The following TAFA2 variants were observed in gnomAD, a reference collection of about 807,000 sequenced individuals.
TAFA2 encodes chemokine-like protein TAFA-2.
A neutral mutation model predicts 18.8 loss-of-function variants in TAFA2; 7 were observed. The observed-to-expected ratio is 0.37, with a 90% CI of 0.21 to 0.70. The LOEUF (loss-of-function observed/expected upper bound fraction) is 0.70, where lower values mean the gene tolerates loss of function less well. Ranked by LOEUF, TAFA2 falls within the 30% of genes least tolerant of loss-of-function variation. The pLI, the probability that TAFA2 is intolerant of heterozygous loss-of-function variation, is 0.53. For synonymous variants in TAFA2, 60 were observed against 54.2 expected, an observed-to-expected ratio of 1.11 and a Z score of -0.47; for missense variants, 122 against 158.1, an observed-to-expected ratio of 0.77 and a Z score of 1.23.
At chr12:61,785,299 T>A (rs991688873) in intron 2 of TAFA2, among the ~76,000 whole-genome samples, 2 of 150,382 alleles carry the variant, frequency 1.3e-5, no homozygotes, top group African/African-American at 4.9e-5. Context: ...AGTTTATTCC[T>A]TTATGGCTGA....
chr12:61,912,101 G>A (rs1876635557), intron 1 of TAFA2, among the ~76,000 whole-genome samples: 1 of 152,210 alleles, frequency 6.6e-6, no homozygotes, highest in African/African-American at 2.4e-5. Flanking sequence ...GAACAACTCT[G>A]TAGTGTATTT....
At chr12:62,061,723 T>A (rs348661) in intron 1 of TAFA2, among the ~76,000 whole-genome samples, 54,572 of 152,110 alleles carry the variant, frequency 0.36, 9,983 homozygotes, top group African/African-American at 0.41. Context: ...TAAGTTAAAC[T>A]ATACTATGCC....
intron 1 of TAFA2, among the ~76,000 whole-genome samples, chr12:62,212,929 G>C (rs2062720079): frequency 6.6e-6 from 1 of 152,160 alleles, no homozygotes; most frequent in African/African-American, 2.4e-5. Context: ...TTTAATATTA[G>C]AGTGCTTAAA....
Position 61,867,349 on chromosome 12 carries a change from T to C in TAFA2, c.77A>G (p.Lys26Arg). The change falls in exon 2 of 5, where the codon AAA becomes AGA. Residue 26 changes from lysine (K) to arginine (R), a missense_variant. Transcript: ENST00000416284. ...IIIFIVTLWG[K>R]VVSSANHHKA... ...ATGATGGTTTGCACTGGATACAACT[T>C]TCCCCCACAAGGTTACAATAAATAT... The C allele has an allele frequency of 6.2e-7, 1 of 1,609,646 alleles. No individual in the cohort carries two copies. The highest frequency in any genetic ancestry group is 8.5e-7 in the Non-Finnish European group (1 of 1,177,112).
At chr12:61,974,515 A>T (rs1592524424) in intron 1 of TAFA2, among the ~76,000 whole-genome samples, 1 of 151,860 alleles carries the variant, frequency 6.6e-6, no homozygotes, top group African/African-American at 2.4e-5. Context: ...GTTCACTTTC[A>T]TGTAAATATA....
upstream of TAFA2, among the ~76,000 whole-genome samples, chr12:62,196,303 C>T (rs1289721082): frequency 6.6e-6 from 1 of 152,196 alleles, no homozygotes; most frequent in Non-Finnish European, 1.5e-5. Flanking sequence ...TGTTTTGCTT[C>T]CTTATCATTG....
At chr12:61,888,369 G>A (rs898410217) in intron 1 of TAFA2, among the ~76,000 whole-genome samples, 1 of 152,244 alleles carries the variant, frequency 6.6e-6, no homozygotes, top group Non-Finnish European at 1.5e-5. Flanking sequence ...TCTGGCAAAG[G>A]GGGAAACTCA....
rs1171353685 is a variant in TAFA2, at chr12:62,191,739, C to A, written c.-482G>T. 6.6e-6 allele frequency: 1 copy of A among 152,296 alleles called. No individual in the cohort carries two copies. The highest frequency in any genetic ancestry group is 1.5e-5 in the Non-Finnish European group (1 of 68,096). The allele number at this position is 152,296 out of a possible 1,614,324, so 9.4% of individuals were successfully genotyped here. A position where few individuals can be genotyped will look rare whatever the true frequency, so the allele number is the denominator to read the frequency against. ...AATCAAGGCGGTCTTGCTGCAATTA[C>A]CGCTCTTATTCCATCTCTGATTTGT... On this transcript the variant is annotated 5_prime_UTR_variant, in exon 1 of 5. Transcript: ENST00000416284.
At chr12:61,888,084 G>A (rs1875468157) in intron 1 of TAFA2, among the ~76,000 whole-genome samples, 1 of 151,832 alleles carries the variant, frequency 6.6e-6, no homozygotes, top group Non-Finnish European at 1.5e-5. Flanking sequence ...GAAACAACAG[G>A]TGCTGGAGAG....
chr12:61,736,170 A>T (rs1385407474), intron 4 of TAFA2, among the ~76,000 whole-genome samples: 1 of 151,746 alleles, frequency 6.6e-6, no homozygotes, highest in Non-Finnish European at 1.5e-5. Flanking sequence ...CCACTGAGCC[A>T]CTCCTCTAAT....
intron 1 of TAFA2, among the ~76,000 whole-genome samples, chr12:61,901,584 A>G (rs1037113906): frequency 6.6e-6 from 1 of 152,134 alleles, no homozygotes; most frequent in Admixed American, 6.5e-5. Context: ...AACATAAACA[A>G]TATCTGGAAC....
intron 1 of TAFA2, among the ~76,000 whole-genome samples, chr12:61,971,897 A>G (rs1243698753): frequency 2.0e-5 from 3 of 151,776 alleles, no homozygotes; most frequent in Non-Finnish European, 2.9e-5. Context: ...ATCAAAATGC[A>G]TTGATACTGG....
intron 4 of TAFA2, among the ~76,000 whole-genome samples, chr12:61,723,263 G>A (rs1869989507): frequency 6.6e-6 from 1 of 152,094 alleles, no homozygotes; most frequent in Non-Finnish European, 1.5e-5. Flanking sequence ...AGGTATTGGA[G>A]AAAAAGAATA....
chr12:61,966,075 C>T (rs1007461628), intron 1 of TAFA2, among the ~76,000 whole-genome samples: 1 of 151,812 alleles, frequency 6.6e-6, no homozygotes, highest in Non-Finnish European at 1.5e-5. Context: ...TTTTGAGGAA[C>T]TGCCATACTA....
At chr12:62,196,130 T>C (rs1013263058), upstream of TAFA2, among the ~76,000 whole-genome samples, 2 of 152,222 alleles carry the variant, frequency 1.3e-5, no homozygotes, top group Non-Finnish European at 2.9e-5. Flanking sequence ...CTCTGCTAGT[T>C]TCAAATTTTT....
intron 1 of TAFA2, among the ~76,000 whole-genome samples, chr12:62,177,214 C>A (rs1373047813): frequency 6.6e-6 from 1 of 152,244 alleles, no homozygotes; most frequent in East Asian, 1.9e-4. Context: ...CAATGACACT[C>A]AAGTGGTAAC....
intron 1 of TAFA2, among the ~76,000 whole-genome samples, chr12:62,015,555 C>A (rs980237345): frequency 2.0e-5 from 3 of 152,096 alleles, no homozygotes; most frequent in African/African-American, 7.2e-5. Flanking sequence ...TATTGATTTT[C>A]TACAAAGTGC....
intron 1 of TAFA2, among the ~76,000 whole-genome samples, chr12:62,128,684 G>T (rs1870562966): frequency 6.6e-6 from 1 of 151,912 alleles, no homozygotes; most frequent in Admixed American, 6.6e-5. Context: ...TCATGTTTAT[G>T]CCCCTTGTTC....
intron 1 of TAFA2, among the ~76,000 whole-genome samples, chr12:62,125,303 G>A (rs1870405309): frequency 6.6e-6 from 1 of 152,120 alleles, no homozygotes; most frequent in African/African-American, 2.4e-5. Context: ...ACCAAACCAA[G>A]CAAACTGCTC....
Sources: allele counts gnomAD v4.1 joint callset (sites outside exome capture counted in the v4.1 genomes callset), GRCh38; gene constraint gnomAD v4.1.1; transcripts MANE v1.5; gene names NCBI Gene and HGNC (gene_info 2026-07-23, HGNC 2026-07-21).